CNTNAP5: variants seen among roughly 807,000 people sequenced by gnomAD.
The protein encoded by CNTNAP5 is contactin associated protein family member 5.
CNTNAP5 carries 72 observed loss-of-function variants against 150.2 expected under a neutral mutation model. The ratio of observed to expected loss-of-function variants is 0.48; its 90% CI spans 0.40 to 0.58. CNTNAP5 has a LOEUF of 0.58. CNTNAP5 is among the 20% of genes least tolerant of loss of function. The probability of loss-of-function intolerance (pLI) is 0.00; values close to 1 mark genes in which losing one functional copy is unlikely to be tolerated. For missense variants in CNTNAP5, 1,636 were observed against 1,626.2 expected, an observed-to-expected ratio of 1.01 and a Z score of -0.10; for synonymous variants, 672 against 619.8, an observed-to-expected ratio of 1.08 and a Z score of -1.25.
chr2:124,056,833 A>G (rs1315837322), intron 1 of CNTNAP5, among the ~76,000 whole-genome samples: 2 of 152,188 alleles, frequency 1.3e-5, no homozygotes, highest in Non-Finnish European at 2.9e-5. Context: ...CTTTTCTTGG[A>G]ATTCACTTTT....
intron 1 of CNTNAP5, among the ~76,000 whole-genome samples, chr2:124,138,035 A>C (rs920233116): frequency 3.3e-5 from 5 of 152,162 alleles, no homozygotes; most frequent in Non-Finnish European, 7.3e-5. Context: ...TCCTCAATGA[A>C]AAAATGGAGA....
intron 3 of CNTNAP5, among the ~76,000 whole-genome samples, chr2:124,379,639 A>T (rs942366406): frequency 1.3e-5 from 2 of 151,960 alleles, no homozygotes; most frequent in Admixed American, 6.6e-5. Context: ...TTTTGTGTGG[A>T]CATGAGTTTT....
intron 3 of CNTNAP5, among the ~76,000 whole-genome samples, chr2:124,334,281 AG>A (rs1369678567): frequency 6.6e-6 from 1 of 152,170 alleles, no homozygotes; most frequent in Admixed American, 6.6e-5. Flanking sequence ...AGAAGCTTTA[AG>A]AAAAATATAT....
chr2:124,251,170 G>A (rs959759825), intron 3 of CNTNAP5, among the ~76,000 whole-genome samples: 1 of 152,124 alleles, frequency 6.6e-6, no homozygotes, highest in African/African-American at 2.4e-5. Flanking sequence ...GAAGCTGAAT[G>A]ATGCCCCTAA....
At chr2:124,810,379 C>T (rs1288811744) in intron 19 of CNTNAP5, among the ~76,000 whole-genome samples, 1 of 152,132 alleles carries the variant, frequency 6.6e-6, no homozygotes, top group East Asian at 1.9e-4. Context: ...TCTTGACAGG[C>T]TGGTTTTTTA....
intron 13 of CNTNAP5, chr2:124,680,803 A>G (rs1679050065): frequency 6.6e-6 from 1 of 151,858 alleles, no homozygotes; most frequent in Admixed American, 6.7e-5. Context: ...AAGCGCATGC[A>G]ATATATATTT....
intron 3 of CNTNAP5, among the ~76,000 whole-genome samples, chr2:124,264,389 T>TACACACAC (rs200429155): frequency 7.6e-4 from 96 of 126,622 alleles, no homozygotes; most frequent in African/African-American, 2.5e-3. Flanking sequence ...CACACACACA[T>TACACACAC]ACACACACAC....
chr2:124,629,052 T>G (rs1466292893), intron 12 of CNTNAP5, among the ~76,000 whole-genome samples: 1 of 152,124 alleles, frequency 6.6e-6, no homozygotes. Context: ...ACACCTAGAT[T>G]TATAAAACAA....
chr2:124,655,783 C>A lies in CNTNAP5; in HGVS notation c.2077+7825C>A, dbSNP rs115057255. On this transcript the variant is annotated intron_variant, in intron 13 of 23. Transcript: ENST00000682447. ...AGGTGTGGTGGGGCACACTTGTAGT[C>A]CTATCTCCTCTAGAGGCTGAAGTGG... 4.1e-3 allele frequency among the ~76,000 whole-genome samples: 615 copies of A among 151,600 alleles called. 5 individuals carry two copies. Among genetic ancestry groups the A allele is most frequent in the African/African-American group, 0.014 (596 of 41,306 alleles).
At chr2:124,201,028 AC>A (rs1438146758) in intron 1 of CNTNAP5, among the ~76,000 whole-genome samples, 2 of 152,140 alleles carry the variant, frequency 1.3e-5, no homozygotes, top group Non-Finnish European at 2.9e-5. Flanking sequence ...GCATCCTGCT[AC>A]GTTTCATTTT....
chr2:124,451,310 G>A (rs988387266), intron 6 of CNTNAP5, among the ~76,000 whole-genome samples: 1 of 151,502 alleles, frequency 6.6e-6, no homozygotes, highest in African/African-American at 2.4e-5. Context: ...CTGAGAATAA[G>A]TTTCACAGAA....
At position 124,550,470 on chromosome 2, in the gene CNTNAP5, C is replaced by T. The variant is rs2104916159; in HGVS notation, c.1650-12747C>T. 2.0e-5 allele frequency among the ~76,000 whole-genome samples: 3 copies of T among 152,234 alleles called. No individual in the cohort carries two copies. In the South Asian group the frequency reaches 6.2e-4, roughly 32 times the overall value. On this transcript the variant is annotated intron_variant, in intron 10 of 23. Coordinates refer to ENST00000682447, the MANE Select transcript of CNTNAP5 (RefSeq NM_001367498.1). ...ATTCATAGTGGAATCTGAGTGATGT[C>T]CTAAAATTAAGAAGACCCTTACAGT...
intron 12 of CNTNAP5, among the ~76,000 whole-genome samples, chr2:124,644,498 T>C (rs1678163332): frequency 6.6e-6 from 1 of 152,198 alleles, no homozygotes; most frequent in Non-Finnish European, 1.5e-5. Context: ...AGCAATTCAA[T>C]GAGTAAATGA....
intron 3 of CNTNAP5, among the ~76,000 whole-genome samples, chr2:124,306,547 C>A (rs536955461): frequency 6.6e-6 from 1 of 152,208 alleles, no homozygotes; most frequent in South Asian, 2.1e-4. Context: ...AAGTGTGGCA[C>A]CTGCTTCACA....
In CNTNAP5 at chr2:124,830,504, G is replaced by A. The variant is rs79955022; in HGVS notation, c.3217+32184G>A. ...GTCAAATCTGATGAAAAGAGCCCTT[G>A]AATTCAATCAGACACAGGAAGAGTG... On this transcript the variant is annotated intron_variant, in intron 19 of 23. Coordinates refer to ENST00000682447, the MANE Select transcript of CNTNAP5 (RefSeq NM_001367498.1). Among the ~76,000 whole-genome samples, 24 of 152,048 alleles carry A rather than the reference G, an allele frequency of 1.6e-4. No homozygotes were observed. In the East Asian group the frequency reaches 3.5e-3, roughly 22 times the overall value.
intron 3 of CNTNAP5, among the ~76,000 whole-genome samples, chr2:124,245,350 C>A (rs914390883): frequency 6.6e-6 from 1 of 152,084 alleles, no homozygotes; most frequent in African/African-American, 2.4e-5. Flanking sequence ...AAGAGATTAT[C>A]TTGAGAGCTT....
chr2:124,880,357 G>A (rs1312492202), intron 21 of CNTNAP5, among the ~76,000 whole-genome samples: 2 of 152,108 alleles, frequency 1.3e-5, no homozygotes, highest in Non-Finnish European at 2.9e-5. Flanking sequence ...GCTTCTTAGT[G>A]AGGAAAATAA....
At chr2:124,214,068 T>C (rs1172173565) in intron 1 of CNTNAP5, among the ~76,000 whole-genome samples, 1 of 152,138 alleles carries the variant, frequency 6.6e-6, no homozygotes, top group Non-Finnish European at 1.5e-5. Context: ...GACTCTGAAA[T>C]GGACAAAAAA....
intron 3 of CNTNAP5, among the ~76,000 whole-genome samples, chr2:124,324,814 A>G (rs1405209436): frequency 1.3e-5 from 2 of 152,186 alleles, no homozygotes; most frequent in East Asian, 1.9e-4. Flanking sequence ...TCGACAATGG[A>G]AAAGGGGCAT....
Sources: gnomAD v4.1 joint callset for allele counts (sites outside exome capture counted in the v4.1 genomes callset) on GRCh38, gnomAD v4.1.1 for gene constraint, MANE v1.5 for transcripts, NCBI Gene and HGNC (gene_info 2026-07-23, HGNC 2026-07-21) for gene names.